The following PI4KB variants were observed in gnomAD, a reference collection of about 807,000 sequenced individuals.
PI4KB encodes the protein PtdIns 4-kinase beta.
A neutral mutation model predicts 81.4 loss-of-function variants in PI4KB; 23 were observed. That is an observed-to-expected ratio of 0.28 (90% CI 0.20 to 0.40). The LOEUF (loss-of-function observed/expected upper bound fraction) is 0.40, where lower values mean the gene tolerates loss of function less well. PI4KB is among the 10% of genes least tolerant of loss of function. The pLI, the probability that PI4KB is intolerant of heterozygous loss-of-function variation, is 1.00. For missense variants in PI4KB, 651 were observed against 1,036.6 expected (o/e 0.63, Z 5.11); for synonymous variants, 381 against 406.8 (o/e 0.94, Z 0.76).
intron 11 of PI4KB, chr1:151,293,300 G>T: frequency 7.3e-7 from 1 of 1,377,838 alleles, no homozygotes; most frequent in Middle Eastern, 2.0e-4. Flanking sequence ...AAGGGTGGAG[G>T]GGCCCAGAGG....
At chr1:151,322,900 T>C (rs1305583326) in intron 1 of PI4KB, among the ~76,000 whole-genome samples, 6 of 152,140 alleles carry the variant, frequency 3.9e-5, no homozygotes, top group African/African-American at 1.4e-4. Flanking sequence ...CCCAAAGTGC[T>C]GAGATTACAA....
intron 9 of PI4KB, among the ~76,000 whole-genome samples, chr1:151,297,537 A>AC (rs1395235737): frequency 2.7e-5 from 4 of 150,628 alleles, no homozygotes; most frequent in African/African-American, 9.8e-5. Flanking sequence ...GTATATATAT[A>AC]AATTTTTTTT....
In PI4KB at chr1:151,315,895, G is replaced by A; in HGVS notation, c.587C>T (p.Pro196Leu). ...MDEDVGDAIKPYIVHRCRQSI... is the reference protein window; with the variant it reads ...MDEDVGDAIKLYIVHRCRQSI... ...CTGGCGGCAACGGTGGACTATGTAG[G>A]GCTTAATGGCATCACCCACGTCCTC... Residue 196 changes from proline to leucine, a missense_variant, in exon 2 of 12, where the codon CCC becomes CTC. By Grantham distance (98) the Pro-to-Leu change is moderately conservative. Around this residue, in one of 5 missense-constraint regions of PI4KB, gnomAD observed 314 missense variants for 397.8 expected, o/e 0.79. Transcript: ENST00000368873. The A allele has an allele frequency of 6.2e-7, 1 of 1,614,076 alleles. No individual in the cohort carries two copies. The highest frequency in any genetic ancestry group is 8.5e-7 in the Non-Finnish European group (1 of 1,180,002).
At chr1:151,325,971 C>T (rs186889910) in intron 1 of PI4KB, among the ~76,000 whole-genome samples, 4 of 152,236 alleles carry the variant, frequency 2.6e-5, no homozygotes, top group African/African-American at 9.6e-5. Context: ...AAGCTCTTTC[C>T]ATTGTCTCAT....
At chr1:151,306,597 A>G (rs587667658) in intron 4 of PI4KB, among the ~76,000 whole-genome samples, 2 of 152,304 alleles carry the variant, frequency 1.3e-5, no homozygotes, top group Non-Finnish European at 2.9e-5. Flanking sequence ...CTGAGCTCCA[A>G]AATGTACAGA....
chr1:151,327,060 G>T (rs940667211), intron 1 of PI4KB, among the ~76,000 whole-genome samples: 5 of 152,196 alleles, frequency 3.3e-5, no homozygotes, highest in African/African-American at 1.2e-4. Context: ...GAGGCAGAGG[G>T]AGGAGCTAAT....
At chr1:151,319,827 G>A (rs1199821578) in intron 1 of PI4KB, among the ~76,000 whole-genome samples, 1 of 152,212 alleles carries the variant, frequency 6.6e-6, no homozygotes, top group Non-Finnish European at 1.5e-5. Flanking sequence ...ACACTCAAGA[G>A]CATGAGCAAG....
intron 9 of PI4KB, 91 bp downstream of exon 9, chr1:151,298,717 T>C: frequency 2.3e-6 from 3 of 1,303,888 alleles, no homozygotes; most frequent in Non-Finnish European, 3.2e-6. Context: ...ATCTTTGCCA[T>C]GGAGGGCAGT....
rs768288431 is a variant in PI4KB, at chr1:151,301,799, T to C, written c.1749+45A>G. 3.1e-6 allele frequency: 5 copies of C among 1,596,576 alleles called. No homozygotes were observed. In the Admixed American group the frequency reaches 8.4e-5, roughly 27 times the overall value. On this transcript the variant is annotated intron_variant, in intron 8 of 11. Transcript: ENST00000368873. ...CACCCGCCTCGGCCTCCCAGAGTGC[T>C]GGGATTACAGCCACTGTGCCTGGCC... is the stretch of plus-strand genomic sequence containing the variant.
At chr1:151,293,118 C>CT (rs765811631) in intron 11 of PI4KB, 85 bp from the exon 12 acceptor site, 20 of 1,548,590 alleles carry the variant, frequency 1.3e-5, no homozygotes, top group Non-Finnish European at 1.7e-5. Flanking sequence ...GCTGGGGCAT[C>CT]TGAAGTGCCC....
intron 9 of PI4KB, among the ~76,000 whole-genome samples, chr1:151,297,852 T>C (rs947338301): frequency 7.9e-5 from 12 of 152,138 alleles, no homozygotes; most frequent in Non-Finnish European, 2.9e-5. Flanking sequence ...ATTAGCTAGA[T>C]CTTAATGGGC....
At position 151,322,611 on chromosome 1, in the gene PI4KB, A is replaced by G. The variant is rs1485717451; in HGVS notation, c.-29+4660T>C. 3.9e-5 allele frequency among the ~76,000 whole-genome samples: 6 copies of G among 152,316 alleles called. No individual in the cohort carries two copies. In the East Asian group the frequency reaches 1.2e-3, roughly 29 times the overall value. ...CCAATTCTGATATTTTTATGTTCTTATATTTTCATAGAATGGCTTTAAGAG... is the reference window on the plus strand; with the variant it reads ...CCAATTCTGATATTTTTATGTTCTTGTATTTTCATAGAATGGCTTTAAGAG... On this transcript the variant is annotated intron_variant, in intron 1 of 11. Transcript: ENST00000368873.
chr1:151,324,961 T>TG (rs1451737178), intron 1 of PI4KB: 1 of 893,962 alleles, frequency 1.1e-6, no homozygotes, highest in Non-Finnish European at 1.3e-6. Context: ...GATTTCTGGT[T>TG]GGGGATGCTT....
At chr1:151,299,171 C>A (rs1695042454) in intron 8 of PI4KB, 98 bp from the exon 9 acceptor site, 2 of 1,103,384 alleles carry the variant, frequency 1.8e-6, no homozygotes, top group Non-Finnish European at 1.3e-6. Flanking sequence ...TCCTTGGTAG[C>A]ATTGAATTCT....
rs1305893338 is a variant in PI4KB, at chr1:151,310,269, A to G, written c.910-14T>C. On this transcript the variant is annotated splice_polypyrimidine_tract_variant and intron_variant, in intron 2 of 11. Coordinates refer to ENST00000368873, the MANE Select transcript of PI4KB (RefSeq NM_001369623.2). ...GGAGGAGAGCTCCTGGGAAAGGGCC[A>G]GAGGGCAAAGGGAGAAGGAGGGGGT... The G allele has an allele frequency of 3.4e-6, 4 of 1,191,984 alleles. No individual in the cohort carries two copies. Among genetic ancestry groups the G allele is most frequent in the Non-Finnish European group, 4.7e-6 (4 of 848,512 alleles). The allele number at this position is 1,191,984 out of a possible 1,614,324, so 73.8% of individuals were successfully genotyped here. A position where few individuals can be genotyped will look rare whatever the true frequency, so the allele number is the denominator to read the frequency against.
rs1695315275 is a variant in PI4KB at position 151,301,828 on chromosome 1, CCTT to C, written c.1749+13_1749+15del. On this transcript the variant is annotated intron_variant, in intron 8 of 11. Transcript: ENST00000368873. ...ATTACAGCCACTGTGCCTGGCCTCT[CCTT>C]CTCTTCTCTTACCTGCAGTTGCTTC... 2 of 1,613,048 alleles carry C rather than the reference CCTT, an allele frequency of 1.2e-6. No individual in the cohort carries two copies. Among genetic ancestry groups the C allele is most frequent in the African/African-American group, 1.3e-5 (1 of 75,040 alleles).
intron 9 of PI4KB, among the ~76,000 whole-genome samples, chr1:151,296,270 A>T (rs1326004500): frequency 5.3e-5 from 8 of 151,998 alleles, no homozygotes; most frequent in Non-Finnish European, 1.0e-4. Flanking sequence ...AAAATATTAC[A>T]TTCTCCTACA....
chr1:151,293,467 G>C, intron 11 of PI4KB: 1 of 1,220,696 alleles, frequency 8.2e-7, no homozygotes, highest in Non-Finnish European at 1.1e-6. Context: ...GACAACCTGT[G>C]GGGTAGGGGC....
chr1:151,305,211 C>A (rs587747766), intron 5 of PI4KB, among the ~76,000 whole-genome samples: 3 of 152,328 alleles, frequency 2.0e-5, no homozygotes, highest in Admixed American at 2.0e-4. Context: ...AGCGATCCAC[C>A]CACCTCGGCC....
Sources: gnomAD v4.1 joint callset for allele counts (sites outside exome capture counted in the v4.1 genomes callset) on GRCh38, gnomAD v4.1.1 for gene constraint, gnomAD v4.1.1 regional missense constraint, MANE v1.5 for transcripts, NCBI Gene and HGNC (gene_info 2026-07-23, HGNC 2026-07-21) for gene names.